Variants in MALRD1 observed in about 807,000 individuals in gnomAD.
The protein encoded by MALRD1 is MAM and LDL-receptor class A domain-containing protein 1.
MALRD1 carries 247 observed loss-of-function variants against 242.1 expected under a neutral mutation model. The ratio of observed to expected loss-of-function variants is 1.02; its 90% CI spans 0.92 to 1.13. The LOEUF (loss-of-function observed/expected upper bound fraction) is 1.13, where lower values mean the gene tolerates loss of function less well. Ranked by LOEUF, MALRD1 falls within the 50% of genes most tolerant of loss-of-function variation. MALRD1 has a pLI of 0.00. For synonymous variants in MALRD1, 995 were observed against 866.6 expected (o/e 1.15, Z -2.60); for missense variants, 2,989 against 2,533.1 (o/e 1.18, Z -3.86).
At chr10:19,239,262 A>G (rs1417070620) in intron 18 of MALRD1, among the ~76,000 whole-genome samples, 2 of 151,832 alleles carry the variant, frequency 1.3e-5, no homozygotes, top group Non-Finnish European at 2.9e-5. Context: ...ATTTCACCAT[A>G]TTGGTCAGGC....
intron 2 of MALRD1, among the ~76,000 whole-genome samples, chr10:19,067,669 C>A (rs1350784321): frequency 6.6e-6 from 1 of 152,036 alleles, no homozygotes; most frequent in Non-Finnish European, 1.5e-5. Context: ...CTGTCCCTCC[C>A]TAGCTGTAAA....
Position 19,389,519 on chromosome 10 carries a change from C to T in MALRD1, c.4755C>T (p.Thr1585=), listed in dbSNP as rs1015518202. The change falls in exon 28 of 40, where the codon ACC becomes ACT. Residue 1585 remains threonine, a synonymous_variant. Coordinates refer to ENST00000454679, the MANE Select transcript of MALRD1 (RefSeq NM_001142308.3). ...LRGDKAHFRS[T]MWRESSAACT... ...GTGACAAAGCACACTTCAGGAGTAC[C>T]ATGTGGCGAGAATCCAGTGCAGCCT... The T allele has an allele frequency of 2.5e-5, 39 of 1,550,460 alleles. No homozygotes were observed. The highest frequency in any genetic ancestry group is 3.3e-5 in the Non-Finnish European group (38 of 1,146,932).
At chr10:19,703,551 A>T (rs1833714284) in intron 38 of MALRD1, among the ~76,000 whole-genome samples, 1 of 152,212 alleles carries the variant, frequency 6.6e-6, no homozygotes, top group Non-Finnish European at 1.5e-5. Flanking sequence ...AGTTCATAGT[A>T]AAAGAAGAGA....
At chr10:19,423,456 C>A (rs1427979870) in intron 28 of MALRD1, among the ~76,000 whole-genome samples, 3 of 151,666 alleles carry the variant, frequency 2.0e-5, no homozygotes, top group Non-Finnish European at 4.4e-5. Flanking sequence ...TGCCCTCCCA[C>A]CCCCCAGAAA....
chr10:19,495,287 C>A (rs955161435), intron 30 of MALRD1, among the ~76,000 whole-genome samples: 1 of 151,842 alleles, frequency 6.6e-6, no homozygotes. Context: ...ATAATAATCA[C>A]ATTTCCCAAG....
At chr10:19,069,692 G>C (rs114529759) in intron 2 of MALRD1, among the ~76,000 whole-genome samples, 1 of 148,400 alleles carries the variant, frequency 6.7e-6, no homozygotes, top group Non-Finnish European at 1.5e-5. Context: ...TTTTCTTTTA[G>C]TGCTTTAAAG....
intron 21 of MALRD1, among the ~76,000 whole-genome samples, chr10:19,299,101 A>G (rs1001022276): frequency 7.2e-5 from 11 of 152,020 alleles, no homozygotes; most frequent in Non-Finnish European, 1.6e-4. Context: ...TAAGGAATGC[A>G]TTATTGAATG....
At chr10:19,268,202 T>G (rs1043083345) in intron 19 of MALRD1, among the ~76,000 whole-genome samples, 1 of 151,928 alleles carries the variant, frequency 6.6e-6, no homozygotes, top group African/African-American at 2.4e-5. Context: ...ATCTTTGTTA[T>G]AAAGCAAAAG....
Position 19,638,101 on chromosome 10 carries a change from C to CAAAAAAAAAAAA in MALRD1, c.6137+22194_6137+22205dup, listed in dbSNP as rs56865342. ...GGGCAACAAGAGAGAAACTCACTCT[C>CAAAAAAAAAAAA]AAAAAAAAAAAAAAAAAAAAAAAAA... On this transcript the variant is annotated intron_variant, in intron 36 of 39. Coordinates refer to ENST00000454679, the MANE Select transcript of MALRD1 (RefSeq NM_001142308.3). Among the ~76,000 whole-genome samples the CAAAAAAAAAAAA allele has an allele frequency of 1.9e-4, 8 of 41,924 alleles. 1 individual carries two copies. The East Asian group carries it at 5.0e-3, about 26-fold the overall frequency. 27.5% of individuals were successfully genotyped at this position (41,924 alleles called of 152,430 possible). A position where few individuals can be genotyped will look rare whatever the true frequency, so the allele number is the denominator to read the frequency against.
At position 19,204,285 on chromosome 10, in the gene MALRD1, T is replaced by TTG. The variant is rs1554810199; in HGVS notation, c.2105-22_2105-21insGT. 3.4e-3 allele frequency: 4,577 copies of TTG among 1,353,462 alleles called. 2 individuals are homozygous for TTG. Among genetic ancestry groups the TTG allele is most frequent in the Non-Finnish European group, 4.0e-3 (3,984 of 1,004,030 alleles). 83.8% of individuals were successfully genotyped at this position (1,353,462 alleles called of 1,614,324 possible). On this transcript the variant is annotated intron_variant, in intron 15 of 39. Transcript: ENST00000454679. ...AATCCAATAGGTTAATGAAGCGTTT[T>TTG]TTTTTTTTTTTTATCTCAACAGGGC...
chr10:19,247,492 A>G (rs1396237999), intron 18 of MALRD1, among the ~76,000 whole-genome samples: 1 of 151,866 alleles, frequency 6.6e-6, no homozygotes, highest in East Asian at 1.9e-4. Context: ...GCCTTATTGT[A>G]AGGAGAAACG....
At chr10:19,531,617 T>A (rs1296093825) in intron 32 of MALRD1, among the ~76,000 whole-genome samples, 1 of 151,862 alleles carries the variant, frequency 6.6e-6, no homozygotes, top group African/African-American at 2.4e-5. Flanking sequence ...GATAAAAGAG[T>A]TTGGGCAGAT....
intron 31 of MALRD1, among the ~76,000 whole-genome samples, chr10:19,504,745 C>T (rs904514880): frequency 2.1e-5 from 3 of 141,218 alleles, no homozygotes; most frequent in Non-Finnish European, 4.5e-5. Context: ...TGCAGTGGCG[C>T]AATCTCGGCT....
chr10:19,590,041 C>G (rs924505403), intron 33 of MALRD1, among the ~76,000 whole-genome samples: 1 of 152,028 alleles, frequency 6.6e-6, no homozygotes, highest in Non-Finnish European at 1.5e-5. Flanking sequence ...TTTAAGCAGC[C>G]TGACCAAGCA....
intron 28 of MALRD1, among the ~76,000 whole-genome samples, chr10:19,440,223 A>T (rs1564341528): frequency 6.6e-6 from 1 of 152,138 alleles, no homozygotes; most frequent in Non-Finnish European, 1.5e-5. Flanking sequence ...TTTAGTCCAT[A>T]GTCTACTTAT....
At chr10:19,142,862 G>T (rs988067079) in intron 10 of MALRD1, among the ~76,000 whole-genome samples, 1 of 152,068 alleles carries the variant, frequency 6.6e-6, no homozygotes, top group Admixed American at 6.6e-5. Context: ...AATTACACAG[G>T]GGAGATATTA....
At chr10:19,127,788 A>C (rs1837328693) in intron 7 of MALRD1, among the ~76,000 whole-genome samples, 1 of 152,134 alleles carries the variant, frequency 6.6e-6, no homozygotes, top group African/African-American at 2.4e-5. Flanking sequence ...ATTTCCTAAA[A>C]CTATAAAGGA....
intron 18 of MALRD1, among the ~76,000 whole-genome samples, chr10:19,223,151 A>G (rs1837637766): frequency 6.6e-6 from 1 of 152,150 alleles, no homozygotes; most frequent in Non-Finnish European, 1.5e-5. Flanking sequence ...TTAACATTAA[A>G]ACGATATTTC....
chr10:19,202,792 C>CT (rs961293842), intron 14 of MALRD1, among the ~76,000 whole-genome samples: 3 of 151,400 alleles, frequency 2.0e-5, no homozygotes, highest in Middle Eastern at 3.4e-3. Flanking sequence ...TTTTGCTTTA[C>CT]TTTTTTTTTC....
Sources: allele counts gnomAD v4.1 joint callset (sites outside exome capture counted in the v4.1 genomes callset), GRCh38; gene constraint gnomAD v4.1.1; transcripts MANE v1.5; gene names NCBI Gene and HGNC (gene_info 2026-07-23, HGNC 2026-07-21).